NEGR1: variants seen among roughly 807,000 people sequenced by gnomAD.
NEGR1 encodes neuronal growth regulator 1, also known as IgLON family member 4.
NEGR1 carries 10 observed loss-of-function variants against 40.9 expected under a neutral mutation model. The observed-to-expected ratio is 0.24, with a 90% CI of 0.15 to 0.42. The LOEUF is 0.42. NEGR1 is among the 10% of genes least tolerant of loss of function. The pLI is 1.00. For synonymous variants in NEGR1, 185 were observed against 166.8 expected (o/e 1.11, Z -0.84); for missense variants, 352 against 438.9 (o/e 0.80, Z 1.77).
intron 2 of NEGR1, among the ~76,000 whole-genome samples, chr1:71,843,380 T>C (rs999301129): frequency 2.6e-5 from 4 of 152,112 alleles, no homozygotes; most frequent in Non-Finnish European, 5.9e-5. Flanking sequence ...TTAAAATAAG[T>C]CCATTTCCCA....
intron 1 of NEGR1, among the ~76,000 whole-genome samples, chr1:72,001,006 C>A (rs1475417337): frequency 6.6e-6 from 1 of 151,914 alleles, no homozygotes; most frequent in Non-Finnish European, 1.5e-5. Context: ...TCAGACATGT[C>A]CACAATGGAA....
intron 3 of NEGR1, among the ~76,000 whole-genome samples, chr1:71,748,129 T>C (rs1210258979): frequency 6.6e-6 from 1 of 152,206 alleles, no homozygotes; most frequent in African/African-American, 2.4e-5. Context: ...TTAAATACTC[T>C]GCTCAACAGT....
In NEGR1 at chr1:72,127,515, A is replaced by T. The variant is rs999462683; in HGVS notation, c.176+154804T>A. Among the ~76,000 whole-genome samples, 30 of 150,478 alleles carry T rather than the reference A, an allele frequency of 2.0e-4. 1 individual carries two copies. Among genetic ancestry groups the T allele is most frequent in the Admixed American group, 2.0e-3 (30 of 15,098 alleles). ...AGGGAGAATTGCAATTTGTTATATA[A>T]TATTATTTATCACCTCTATAAACTT... On this transcript the variant is annotated intron_variant, in intron 1 of 6. Transcript: ENST00000357731.
intron 3 of NEGR1, among the ~76,000 whole-genome samples, chr1:71,763,985 A>G (rs1312690498): frequency 1.3e-5 from 2 of 152,152 alleles, no homozygotes; most frequent in Non-Finnish European, 2.9e-5. Flanking sequence ...TAAGCCATGT[A>G]GTATAAAGAA....
chr1:71,573,813 T>C (rs1648877678), intron 6 of NEGR1, among the ~76,000 whole-genome samples: 1 of 152,158 alleles, frequency 6.6e-6, no homozygotes, highest in South Asian at 2.1e-4. Context: ...GCCCAGAATC[T>C]AGATTATGGT....
intron 1 of NEGR1, among the ~76,000 whole-genome samples, chr1:72,072,789 T>C (rs1042697369): frequency 6.6e-6 from 1 of 152,126 alleles, no homozygotes; most frequent in Non-Finnish European, 1.5e-5. Context: ...GTGTTGCTAA[T>C]AGCATGATCT....
intron 6 of NEGR1, among the ~76,000 whole-genome samples, chr1:71,426,881 G>A (rs1055175291): frequency 1.3e-5 from 2 of 152,152 alleles, no homozygotes; most frequent in Admixed American, 1.3e-4. Flanking sequence ...ATAATGGAGT[G>A]TGACAATGTG....
chr1:71,739,018 T>A (rs182654705), intron 3 of NEGR1, among the ~76,000 whole-genome samples: 151 of 151,914 alleles, frequency 9.9e-4, no homozygotes, highest in African/African-American at 3.6e-3. Context: ...CCCACCATGA[T>A]GGTTAATACT....
At chr1:72,093,274 T>C (rs1029452991) in intron 1 of NEGR1, among the ~76,000 whole-genome samples, 3 of 144,040 alleles carry the variant, frequency 2.1e-5, no homozygotes, top group African/African-American at 8.1e-5. Context: ...GAGGTAGCAG[T>C]GAGCAAAGAC....
intron 2 of NEGR1, among the ~76,000 whole-genome samples, chr1:71,803,702 A>G (rs1451288459): frequency 6.6e-6 from 1 of 152,132 alleles, no homozygotes; most frequent in Non-Finnish European, 1.5e-5. Context: ...TCTGTTTACA[A>G]ATTTTACCTT....
At chr1:71,535,600 G>A (rs1647487872) in intron 6 of NEGR1, among the ~76,000 whole-genome samples, 1 of 151,822 alleles carries the variant, frequency 6.6e-6, no homozygotes, top group Middle Eastern at 3.4e-3. Context: ...GTAATTTTAT[G>A]TAAAACAAGA....
chr1:71,554,759 T>C (rs1288620837), intron 6 of NEGR1, among the ~76,000 whole-genome samples: 1 of 151,534 alleles, frequency 6.6e-6, no homozygotes, highest in African/African-American at 2.4e-5. Flanking sequence ...ATTTTGAGCA[T>C]CAAGATCTTG....
chr1:71,648,954 A>G (rs981917838), intron 4 of NEGR1, among the ~76,000 whole-genome samples: 12 of 151,980 alleles, frequency 7.9e-5, no homozygotes, highest in African/African-American at 2.9e-4. Context: ...TGATTTTCCA[A>G]TGACTCCTTC....
At chr1:71,423,493 G>A (rs987485194) in intron 6 of NEGR1, among the ~76,000 whole-genome samples, 2 of 152,106 alleles carry the variant, frequency 1.3e-5, no homozygotes, top group Non-Finnish European at 2.9e-5. Flanking sequence ...TGTCATTATT[G>A]CATAGATACT....
intron 6 of NEGR1, among the ~76,000 whole-genome samples, chr1:71,573,812 C>A (rs768755663): frequency 3.9e-5 from 6 of 152,176 alleles, no homozygotes; most frequent in African/African-American, 1.4e-4. Context: ...AGCCCAGAAT[C>A]TAGATTATGG....
At chr1:72,195,128 C>T (rs1652956467) in intron 1 of NEGR1, among the ~76,000 whole-genome samples, 3 of 151,932 alleles carry the variant, frequency 2.0e-5, no homozygotes, top group Admixed American at 6.6e-5. Context: ...CCATGCTTAG[C>T]CATTGAAACA....
chr1:71,766,330 G>A (rs1656130485), intron 3 of NEGR1, among the ~76,000 whole-genome samples: 1 of 152,148 alleles, frequency 6.6e-6, no homozygotes, highest in Non-Finnish European at 1.5e-5. Flanking sequence ...CATGACAGGA[G>A]AAAAAGAACA....
At chr1:71,751,250 T>C (rs1276924781) in intron 3 of NEGR1, among the ~76,000 whole-genome samples, 1 of 152,190 alleles carries the variant, frequency 6.6e-6, no homozygotes, top group Non-Finnish European at 1.5e-5. Context: ...AGATCTGTTA[T>C]TTTAATCTGC....
intron 3 of NEGR1, among the ~76,000 whole-genome samples, chr1:71,734,278 G>T (rs1654979126): frequency 6.6e-6 from 1 of 152,166 alleles, no homozygotes; most frequent in South Asian, 2.1e-4. Flanking sequence ...GATGGTCTCA[G>T]TTCAAATTCT....
Sources: allele counts gnomAD v4.1 joint callset (sites outside exome capture counted in the v4.1 genomes callset), GRCh38; gene constraint gnomAD v4.1.1; transcripts MANE v1.5; gene names NCBI Gene and HGNC (gene_info 2026-07-23, HGNC 2026-07-21).